The following NLGN1 variants were observed in gnomAD, a reference collection of about 807,000 sequenced individuals.
The protein encoded by NLGN1 is neuroligin 1.
A neutral mutation model predicts 65.5 loss-of-function variants in NLGN1; 12 were observed. That is an observed-to-expected ratio of 0.18 (90% CI 0.12 to 0.30). NLGN1 has a LOEUF of 0.30. Among genes scored for constraint, NLGN1 ranks in the 10% least tolerant of loss-of-function variants. The pLI, the probability that NLGN1 is intolerant of heterozygous loss-of-function variation, is 1.00. For synonymous variants in NLGN1, 350 were observed against 359.5 expected, an observed-to-expected ratio of 0.97 and a Z score of 0.30; for missense variants, 750 against 1,007.1, an observed-to-expected ratio of 0.74 and a Z score of 3.46.
chr3:173,476,173 T>C (rs1312155292), intron 2 of NLGN1, among the ~76,000 whole-genome samples: 18 of 152,178 alleles, frequency 1.2e-4, no homozygotes, highest in Admixed American at 1.2e-3. Context: ...TTTGGTTTCT[T>C]TAGATCAGCA....
chr3:173,930,635 T>C (rs150118282), intron 4 of NLGN1, among the ~76,000 whole-genome samples: 1 of 152,328 alleles, frequency 6.6e-6, no homozygotes, highest in Non-Finnish European at 1.5e-5. Flanking sequence ...ATGTCTTTTG[T>C]ACCCCAAAAT....
chr3:173,655,245 TC>T (rs2149664875), intron 3 of NLGN1, among the ~76,000 whole-genome samples: 1 of 152,290 alleles, frequency 6.6e-6, no homozygotes, highest in African/African-American at 2.4e-5. Flanking sequence ...AGCTGCTGTT[TC>T]TTTACATAAA....
chr3:173,677,681 G>T (rs1025475128), intron 3 of NLGN1, among the ~76,000 whole-genome samples: 7 of 151,974 alleles, frequency 4.6e-5, no homozygotes, highest in African/African-American at 1.7e-4. Context: ...GATAGATATA[G>T]ATACATACAT....
chr3:174,066,564 C>CTGTGTGTG (rs761468491), intron 4 of NLGN1, among the ~76,000 whole-genome samples: 9 of 100,098 alleles, frequency 9.0e-5, no homozygotes, highest in African/African-American at 3.7e-4. Flanking sequence ...CTCTCTCTCT[C>CTGTGTGTG]TGTGTGTGTG....
intron 2 of NLGN1, among the ~76,000 whole-genome samples, chr3:173,437,943 T>G (rs1470684945): frequency 6.6e-6 from 1 of 152,170 alleles, no homozygotes; most frequent in Non-Finnish European, 1.5e-5. Context: ...AATTTACTGG[T>G]CTTTTTCTTT....
chr3:173,731,057 C>T (rs576720978), intron 3 of NLGN1, among the ~76,000 whole-genome samples: 33 of 152,144 alleles, frequency 2.2e-4, no homozygotes, highest in Admixed American at 3.9e-4. Context: ...ATAATTTTAC[C>T]GTATAATCTG....
At chr3:173,912,326 A>G (rs1171877444) in intron 4 of NLGN1, among the ~76,000 whole-genome samples, 2 of 152,206 alleles carry the variant, frequency 1.3e-5, no homozygotes, top group Admixed American at 6.5e-5. Flanking sequence ...AAATAGTTCT[A>G]TGACATAGAG....
intron 4 of NLGN1, among the ~76,000 whole-genome samples, chr3:174,196,305 AT>A (rs141985993): frequency 0.1 from 15,791 of 151,742 alleles, 1,071 homozygotes; most frequent in Admixed American, 0.15. Flanking sequence ...CTGTACATCT[AT>A]TTTTTTTCTC....
chr3:174,038,009 AT>A (rs1308964561), intron 4 of NLGN1, among the ~76,000 whole-genome samples: 1 of 152,134 alleles, frequency 6.6e-6, no homozygotes, highest in East Asian at 1.9e-4. Flanking sequence ...TATTGAATGA[AT>A]TTTATGATAC....
At chr3:174,001,155 G>A (rs1044887544) in intron 4 of NLGN1, among the ~76,000 whole-genome samples, 3 of 152,160 alleles carry the variant, frequency 2.0e-5, no homozygotes, top group African/African-American at 7.2e-5. Flanking sequence ...GGGAAGAACA[G>A]ATGAGAGCAA....
chr3:174,005,830 G>C (rs774495873), intron 4 of NLGN1, among the ~76,000 whole-genome samples: 1 of 151,802 alleles, frequency 6.6e-6, no homozygotes, highest in Non-Finnish European at 1.5e-5. Flanking sequence ...AAAATATGTC[G>C]TCTATCTGTG....
chr3:173,547,646 A>C (rs1037350777), intron 2 of NLGN1, among the ~76,000 whole-genome samples: 1 of 152,134 alleles, frequency 6.6e-6, no homozygotes, highest in Non-Finnish European at 1.5e-5. Flanking sequence ...TCTTCTCTTC[A>C]TACTAGGTAT....
intron 3 of NLGN1, among the ~76,000 whole-genome samples, chr3:173,650,517 A>G (rs532400426): frequency 1.3e-5 from 2 of 152,174 alleles, no homozygotes; most frequent in South Asian, 4.1e-4. Context: ...GTCAAACTTT[A>G]AAGTTTGCAA....
chr3:174,079,363 G>A (rs995929045), intron 4 of NLGN1, among the ~76,000 whole-genome samples: 8 of 152,088 alleles, frequency 5.3e-5, no homozygotes, highest in African/African-American at 1.4e-4. Context: ...AGTCAGAATG[G>A]TTAAAGAAAT....
chr3:173,675,116 G>T (rs950521797), intron 3 of NLGN1, among the ~76,000 whole-genome samples: 2 of 151,892 alleles, frequency 1.3e-5, no homozygotes, highest in Non-Finnish European at 2.9e-5. Flanking sequence ...TAATCTCTAA[G>T]AGCATGAAAT....
At chr3:173,935,622 ACTCTCTCTCTCTCTCT>A (rs72137673) in intron 4 of NLGN1, among the ~76,000 whole-genome samples, 2 of 108,010 alleles carry the variant, frequency 1.9e-5, no homozygotes, top group Non-Finnish European at 4.0e-5. Context: ...ACACACACAC[ACTCTCTCTCTCTCTCT>A]CTCTCTCTCT....
intron 4 of NLGN1, among the ~76,000 whole-genome samples, chr3:174,102,836 G>A (rs1223586994): frequency 4.6e-5 from 6 of 130,620 alleles, no homozygotes; most frequent in Non-Finnish European, 6.8e-5. Flanking sequence ...CAGGAGAAGT[G>A]GGGGAAGAAT....
chr3:173,592,967 G>A (rs73044419), intron 2 of NLGN1, among the ~76,000 whole-genome samples: 13,016 of 152,060 alleles, frequency 0.086, 1,002 homozygotes, highest in African/African-American at 0.21. Flanking sequence ...GAAAGCCCCA[G>A]CCTCCACAGC....
intron 2 of NLGN1, among the ~76,000 whole-genome samples, chr3:173,503,951 T>C (rs1731581092): frequency 6.6e-6 from 1 of 152,056 alleles, no homozygotes; most frequent in African/African-American, 2.4e-5. Context: ...TTTTGCTCGC[T>C]GAAGAGAAGA....
Sources: gnomAD v4.1 joint callset for allele counts (sites outside exome capture counted in the v4.1 genomes callset) on GRCh38, gnomAD v4.1.1 for gene constraint, MANE v1.5 for transcripts, NCBI Gene and HGNC (gene_info 2026-07-23, HGNC 2026-07-21) for gene names.